Variants in MCC observed in about 807,000 individuals in gnomAD.
MCC encodes MCC regulator of Wnt signaling pathway.
In MCC, 90 loss-of-function variants were observed where a neutral mutation model predicts 116.2. That is an observed-to-expected ratio of 0.77 (90% CI 0.65 to 0.92). MCC has a LOEUF of 0.92. Ranked by LOEUF, MCC falls within the 40% of genes least tolerant of loss-of-function variation. The pLI is 0.00. For missense variants in MCC, 1,516 were observed against 1,312.2 expected, an observed-to-expected ratio of 1.16 and a Z score of -2.40; for synonymous variants, 578 against 510.5, an observed-to-expected ratio of 1.13 and a Z score of -1.78.
chr5:113,411,745 T>A (rs1769998589), intron 1 of MCC, among the ~76,000 whole-genome samples: 1 of 152,238 alleles, frequency 6.6e-6, no homozygotes, highest in Non-Finnish European at 1.5e-5. Context: ...GATGGTAGTT[T>A]CTTTTGCTGT....
intron 6 of MCC, among the ~76,000 whole-genome samples, chr5:113,121,214 A>C (rs1289652968): frequency 1.3e-5 from 2 of 152,096 alleles, no homozygotes; most frequent in Non-Finnish European, 1.5e-5. Flanking sequence ...AGCCTCCCCA[A>C]CTCATTCTTC....
At chr5:113,080,597 G>T (rs958782263) in intron 11 of MCC, among the ~76,000 whole-genome samples, 8 of 152,122 alleles carry the variant, frequency 5.3e-5, no homozygotes, top group Non-Finnish European at 1.0e-4. Flanking sequence ...GGTGGGAATT[G>T]AACAATGAGA....
At chr5:113,419,414 C>A (rs998107596) in intron 1 of MCC, among the ~76,000 whole-genome samples, 6 of 150,798 alleles carry the variant, frequency 4.0e-5, no homozygotes, top group African/African-American at 1.5e-4. Context: ...CCAGGCTGGT[C>A]TCAAACTCCT....
At chr5:113,244,202 G>A (rs1764486852) in intron 3 of MCC, among the ~76,000 whole-genome samples, 1 of 152,224 alleles carries the variant, frequency 6.6e-6, no homozygotes, top group African/African-American at 2.4e-5. Flanking sequence ...AATAGCATAT[G>A]TAATGTGGAT....
chr5:113,080,208 C>T (rs1185745844), intron 11 of MCC, among the ~76,000 whole-genome samples: 1 of 152,198 alleles, frequency 6.6e-6, no homozygotes, highest in Non-Finnish European at 1.5e-5. Flanking sequence ...GTTGGTGGGA[C>T]TGTAAACTAG....
chr5:113,413,714 A>G (rs576570491), intron 1 of MCC, among the ~76,000 whole-genome samples: 74 of 152,270 alleles, frequency 4.9e-4, no homozygotes, highest in African/African-American at 1.7e-3. Flanking sequence ...GATCTTTTCA[A>G]AAAACCAGCT....
At chr5:113,472,911 T>C (rs1047372312) in intron 1 of MCC, among the ~76,000 whole-genome samples, 1 of 152,174 alleles carries the variant, frequency 6.6e-6, no homozygotes, top group Non-Finnish European at 1.5e-5. Context: ...TGTCTTAAGG[T>C]AGTATTAAAC....
At chr5:113,410,312 G>A (rs1769949023) in intron 1 of MCC, among the ~76,000 whole-genome samples, 1 of 152,092 alleles carries the variant, frequency 6.6e-6, no homozygotes, top group Non-Finnish European at 1.5e-5. Context: ...GGATACAATG[G>A]ATATCCACAA....
At chr5:113,032,432 G>T (rs1443377777) in intron 17 of MCC, among the ~76,000 whole-genome samples, 2 of 147,806 alleles carry the variant, frequency 1.4e-5, no homozygotes, top group African/African-American at 2.5e-5. Context: ...AAAAAAAAAG[G>T]ATACTGATTA....
At chr5:113,225,139 C>T (rs1462340909) in intron 3 of MCC, among the ~76,000 whole-genome samples, 1 of 152,230 alleles carries the variant, frequency 6.6e-6, no homozygotes, top group Admixed American at 6.5e-5. Flanking sequence ...CTGAGCTGAG[C>T]ACTTCCAGAT....
intron 3 of MCC, among the ~76,000 whole-genome samples, chr5:113,227,034 G>T (rs1763767374): frequency 6.6e-6 from 1 of 152,146 alleles, no homozygotes; most frequent in African/African-American, 2.4e-5. Flanking sequence ...TTATGACAGG[G>T]ATATTTAACA....
intron 8 of MCC, among the ~76,000 whole-genome samples, chr5:113,088,871 T>A (rs1373936783): frequency 6.6e-6 from 1 of 152,150 alleles, no homozygotes; most frequent in African/African-American, 2.4e-5. Context: ...CTGGCCTCAA[T>A]CTCATGGGCT....
intron 3 of MCC, among the ~76,000 whole-genome samples, chr5:113,175,256 G>C (rs980891771): frequency 6.6e-6 from 1 of 152,136 alleles, no homozygotes; most frequent in African/African-American, 2.4e-5. Flanking sequence ...CTCAGATGTA[G>C]AACAAACAAA....
rs141985007 is a variant in MCC at position 113,235,229 on chromosome 5, C to T, written c.628-83807G>A. On this transcript the variant is annotated intron_variant, in intron 3 of 18. Coordinates refer to ENST00000408903, the MANE Select transcript of MCC (RefSeq NM_001085377.2). Reference sequence around the variant, plus strand: ...AAACTCTCCTCATCCTTTTTCACTTCATATTCTGGGTTCTTCAAAAGTCTG... The same window carrying T: ...AAACTCTCCTCATCCTTTTTCACTTTATATTCTGGGTTCTTCAAAAGTCTG... Among the ~76,000 whole-genome samples the T allele has an allele frequency of 9.2e-5, 14 of 152,302 alleles. No homozygotes were observed. The East Asian group carries it at 2.5e-3, about 27-fold the overall frequency.
chr5:113,370,646 T>C (rs1363069859), intron 2 of MCC, among the ~76,000 whole-genome samples: 5 of 152,348 alleles, frequency 3.3e-5, no homozygotes, highest in African/African-American at 7.2e-5. Context: ...TCCATAGATA[T>C]ATTTTGTTAG....
At chr5:113,390,976 T>C (rs1769386385) in intron 1 of MCC, among the ~76,000 whole-genome samples, 1 of 150,444 alleles carries the variant, frequency 6.6e-6, no homozygotes, top group South Asian at 2.1e-4. Flanking sequence ...ATTGAAAGTA[T>C]GAAAATTATA....
chr5:113,323,771 A>T (rs1479861854), intron 3 of MCC, among the ~76,000 whole-genome samples: 5 of 152,218 alleles, frequency 3.3e-5, no homozygotes, highest in Non-Finnish European at 5.9e-5. Flanking sequence ...CTGCAGTCTC[A>T]GCTACTCAGG....
chr5:113,469,566 G>A (rs1580417034), intron 1 of MCC, among the ~76,000 whole-genome samples: 1 of 152,186 alleles, frequency 6.6e-6, no homozygotes, highest in Admixed American at 6.5e-5. Context: ...TATAATTTCT[G>A]TTCTTTTACA....
At chr5:113,253,954 T>G (rs531000737) in intron 3 of MCC, among the ~76,000 whole-genome samples, 1 of 152,288 alleles carries the variant, frequency 6.6e-6, no homozygotes, top group South Asian at 2.1e-4. Flanking sequence ...AAAAGTTTGG[T>G]AGGACAATTT....
Sources: allele counts gnomAD v4.1 joint callset (sites outside exome capture counted in the v4.1 genomes callset), GRCh38; gene constraint gnomAD v4.1.1; transcripts MANE v1.5; gene names NCBI Gene and HGNC (gene_info 2026-07-23, HGNC 2026-07-21).